Variants in IMMP2L observed in about 807,000 individuals in gnomAD.
IMMP2L encodes mitochondrial inner membrane protease subunit 2.
In IMMP2L, 18 loss-of-function variants were observed where a neutral mutation model predicts 19.3. The observed-to-expected ratio is 0.93, with a 90% CI of 0.64 to 1.38. The LOEUF (loss-of-function observed/expected upper bound fraction) is 1.38, where lower values mean the gene tolerates loss of function less well. Ranked by LOEUF, IMMP2L falls within the 40% of genes most tolerant of loss-of-function variation. The probability of loss-of-function intolerance (pLI) is 0.00; values close to 1 mark genes in which losing one functional copy is unlikely to be tolerated. For missense variants in IMMP2L, 233 were observed against 218.2 expected, an observed-to-expected ratio of 1.07 and a Z score of -0.43; for synonymous variants, 76 against 73.0, an observed-to-expected ratio of 1.04 and a Z score of -0.21.
Position 111,331,787 on chromosome 7 carries a change from T to C in IMMP2L, c.239+155451A>G, listed in dbSNP as rs1056655245. 4.6e-5 allele frequency among the ~76,000 whole-genome samples: 7 copies of C among 151,840 alleles called. No individual in the cohort carries two copies. In the Admixed American group the frequency reaches 4.6e-4, roughly 10 times the overall value. ...GGAAATAAAGGGAAATCCAAGGATT[T>C]GTATATAGCCAAGCTGCCTTCGAGT... On this transcript the variant is annotated intron_variant, in intron 3 of 5. Coordinates refer to ENST00000405709, the MANE Select transcript of IMMP2L (RefSeq NM_032549.4).
intron 5 of IMMP2L, among the ~76,000 whole-genome samples, chr7:110,869,378 C>T (rs1448440316): frequency 6.6e-6 from 1 of 152,116 alleles, no homozygotes; most frequent in Non-Finnish European, 1.5e-5. Context: ...GAAACGAGAA[C>T]GTCTAATCTT....
At chr7:111,241,413 G>A (rs1815017904) in intron 3 of IMMP2L, among the ~76,000 whole-genome samples, 1 of 151,866 alleles carries the variant, frequency 6.6e-6, no homozygotes, top group African/African-American at 2.4e-5. Flanking sequence ...ACGCAAAGAT[G>A]AAAATACATA....
At chr7:111,308,416 T>C (rs961762284) in intron 3 of IMMP2L, among the ~76,000 whole-genome samples, 1 of 151,912 alleles carries the variant, frequency 6.6e-6, no homozygotes, top group Admixed American at 6.6e-5. Context: ...GCAGTGGGGA[T>C]AGTGCAGGAG....
At chr7:111,471,327 G>C (rs1355650743) in intron 3 of IMMP2L, among the ~76,000 whole-genome samples, 1 of 152,026 alleles carries the variant, frequency 6.6e-6, no homozygotes, top group Admixed American at 6.6e-5. Context: ...GCAAGTCTCT[G>C]TCATTATTGT....
At chr7:111,241,571 T>G (rs978151453) in intron 3 of IMMP2L, among the ~76,000 whole-genome samples, 1 of 151,900 alleles carries the variant, frequency 6.6e-6, no homozygotes, top group Non-Finnish European at 1.5e-5. Flanking sequence ...ACTGATACAA[T>G]GTAACTGCCA....
chr7:110,939,368 A>G (rs1327653466), intron 4 of IMMP2L, among the ~76,000 whole-genome samples: 2 of 143,966 alleles, frequency 1.4e-5, no homozygotes, highest in East Asian at 2.0e-4. Flanking sequence ...TTTTAAAACC[A>G]TTGATCTAAT....
intron 2 of IMMP2L, among the ~76,000 whole-genome samples, chr7:111,515,095 T>C (rs191144459): frequency 5.3e-5 from 8 of 152,264 alleles, no homozygotes; most frequent in Non-Finnish European, 8.8e-5. Context: ...GAGCTCATTT[T>C]CTCATGCAAT....
chr7:111,206,321 T>G (rs1810703072), intron 3 of IMMP2L, among the ~76,000 whole-genome samples: 1 of 152,158 alleles, frequency 6.6e-6, no homozygotes, highest in African/African-American at 2.4e-5. Context: ...TTTATACCAG[T>G]AAGTCCCCTT....
intron 5 of IMMP2L, among the ~76,000 whole-genome samples, chr7:110,753,707 C>CA (rs1259762737): frequency 6.7e-6 from 1 of 150,328 alleles, no homozygotes; most frequent in Non-Finnish European, 1.5e-5. Flanking sequence ...GAGAAATGGC[C>CA]AAAAAGGTAA....
intron 3 of IMMP2L, among the ~76,000 whole-genome samples, chr7:111,292,335 C>T (rs1435512039): frequency 6.6e-6 from 1 of 152,026 alleles, no homozygotes; most frequent in Admixed American, 6.6e-5. Flanking sequence ...ACCAGGGCTT[C>T]AGGAGAAAAA....
intron 3 of IMMP2L, among the ~76,000 whole-genome samples, chr7:111,147,161 C>T (rs1803564349): frequency 6.6e-6 from 1 of 151,898 alleles, no homozygotes; most frequent in African/African-American, 2.4e-5. Context: ...ATAAGTTTTC[C>T]ATTATTCCCT....
intron 3 of IMMP2L, among the ~76,000 whole-genome samples, chr7:111,435,272 G>A (rs1009311271): frequency 3.3e-5 from 5 of 151,786 alleles, no homozygotes; most frequent in African/African-American, 9.7e-5. Flanking sequence ...CAAAGGTATG[G>A]AATCAACCTA....
At chr7:110,702,917 G>A (rs13221880) in intron 5 of IMMP2L, among the ~76,000 whole-genome samples, 58,098 of 151,628 alleles carry the variant, frequency 0.38, 12,940 homozygotes, top group East Asian at 0.57. Context: ...TGTACTGTAC[G>A]GTCTAAAACC....
At chr7:111,521,169 A>G in intron 2 of IMMP2L, 144 bp downstream of exon 2, 1 of 856,694 alleles carries the variant, frequency 1.2e-6, no homozygotes, top group South Asian at 1.9e-5. Context: ...CTTAAGAACA[A>G]ATTCAGTAAA....
rs144692078 is a variant in IMMP2L, at chr7:111,223,876, A to G, written c.240-260311T>C. Among the ~76,000 whole-genome samples, 681 of 152,258 alleles carry G rather than the reference A, an allele frequency of 4.5e-3. 10 individuals are homozygous for G. Among genetic ancestry groups the G allele is most frequent in the African/African-American group, 0.016 (657 of 41,546 alleles). ...GTGTAGCTTCCATTTCTTCAGTTACACAATATTTTTATCTAAGTCAACAGC... is the reference window on the plus strand; with the variant it reads ...GTGTAGCTTCCATTTCTTCAGTTACGCAATATTTTTATCTAAGTCAACAGC... On this transcript the variant is annotated intron_variant, in intron 3 of 5. Transcript: ENST00000405709.
At chr7:111,195,760 A>AT (rs1259981871) in intron 3 of IMMP2L, among the ~76,000 whole-genome samples, 2 of 20 alleles carry the variant, frequency 0.1, no homozygotes, top group Non-Finnish European at 0.25. Flanking sequence ...TTTAGAAATT[A>AT]TCAGAAAAAT....
At chr7:110,982,915 T>A (rs1456489087) in intron 3 of IMMP2L, among the ~76,000 whole-genome samples, 1 of 152,060 alleles carries the variant, frequency 6.6e-6, no homozygotes, top group South Asian at 2.1e-4. Flanking sequence ...ATTAACTATA[T>A]CTCTTAGTTT....
chr7:111,068,957 T>C (rs1794735329), intron 3 of IMMP2L, among the ~76,000 whole-genome samples: 1 of 152,220 alleles, frequency 6.6e-6, no homozygotes, highest in Admixed American at 6.5e-5. Context: ...AAAGTAATAG[T>C]TCTTTGAGAG....
chr7:110,946,340 T>TAG (rs1430475983), intron 4 of IMMP2L, among the ~76,000 whole-genome samples: 2 of 152,206 alleles, frequency 1.3e-5, no homozygotes, highest in African/African-American at 4.8e-5. Flanking sequence ...GACATATATA[T>TAG]GGTCCTCTAC....
Sources: allele counts gnomAD v4.1 joint callset (sites outside exome capture counted in the v4.1 genomes callset), GRCh38; gene constraint gnomAD v4.1.1; transcripts MANE v1.5; gene names NCBI Gene and HGNC (gene_info 2026-07-23, HGNC 2026-07-21).